HS6ST3: variants seen among roughly 807,000 people sequenced by gnomAD.
HS6ST3 encodes heparan sulfate 6-O-sulfotransferase 3.
HS6ST3 carries 12 observed loss-of-function variants against 36.7 expected under a neutral mutation model. That is an observed-to-expected ratio of 0.33 (90% CI 0.21 to 0.53). HS6ST3 has a LOEUF of 0.53. Among genes scored for constraint, HS6ST3 ranks in the 20% least tolerant of loss-of-function variants. The pLI is 0.95. For synonymous variants in HS6ST3, 240 were observed against 257.5 expected (o/e 0.93, Z 0.65); for missense variants, 584 against 640.9 (o/e 0.91, Z 0.96).
At chr13:96,244,649 A>G (rs943281010) in intron 1 of HS6ST3, among the ~76,000 whole-genome samples, 3 of 152,330 alleles carry the variant, frequency 2.0e-5, no homozygotes, top group African/African-American at 7.2e-5. Flanking sequence ...TTCTTCACCT[A>G]GTTCTAGGTA....
chr13:96,182,018 A>C (rs16951635), intron 1 of HS6ST3, among the ~76,000 whole-genome samples: 3,882 of 152,262 alleles, frequency 0.025, 62 homozygotes, highest in South Asian at 0.055. Context: ...AAGTTAGAAG[A>C]AGAAATTTGT....
chr13:96,541,684 G>A (rs1594803124), intron 1 of HS6ST3, among the ~76,000 whole-genome samples: 1 of 152,152 alleles, frequency 6.6e-6, no homozygotes, highest in East Asian at 1.9e-4. Flanking sequence ...ATGATATAAT[G>A]TCTGCCTAGG....
chr13:96,474,260 G>A (rs1433918434), intron 1 of HS6ST3, among the ~76,000 whole-genome samples: 1 of 152,154 alleles, frequency 6.6e-6, no homozygotes, highest in Admixed American at 6.5e-5. Flanking sequence ...TGAGTTGTTA[G>A]TGATGGCAAC....
chr13:96,207,035 GAGA>G lies in HS6ST3; in HGVS notation c.707+115470_707+115472del, dbSNP rs574363784. Among the ~76,000 whole-genome samples, 479 of 152,236 alleles carry G rather than the reference GAGA, an allele frequency of 3.1e-3. 3 individuals are homozygous for G. Among genetic ancestry groups the G allele is most frequent in the African/African-American group, 0.011 (470 of 41,546 alleles). ...GAGTGAACAGACAGCCTAAAGAATGGAGAAGATTTTTGCAATCTATCCATCTGA... is the reference window on the plus strand; with the variant it reads ...GAGTGAACAGACAGCCTAAAGAATGGAGATTTTTGCAATCTATCCATCTGA... On this transcript the variant is annotated intron_variant, in intron 1 of 1. Transcript: ENST00000376705.
At chr13:96,095,951 A>G (rs1402584670) in intron 1 of HS6ST3, among the ~76,000 whole-genome samples, 1 of 151,188 alleles carries the variant, frequency 6.6e-6, no homozygotes, top group Non-Finnish European at 1.5e-5. Context: ...TGGATGGACC[A>G]CTGGATTCTG....
At chr13:96,741,071 T>C (rs1456471252) in intron 1 of HS6ST3, among the ~76,000 whole-genome samples, 1 of 152,220 alleles carries the variant, frequency 6.6e-6, no homozygotes, top group Non-Finnish European at 1.5e-5. Flanking sequence ...TCTTTATTAT[T>C]TCTAAAAGTA....
chr13:96,330,471 G>A (rs1225247404), intron 1 of HS6ST3, among the ~76,000 whole-genome samples: 5 of 148,486 alleles, frequency 3.4e-5, no homozygotes, highest in Non-Finnish European at 7.5e-5. Context: ...TGAAATTCTG[G>A]GTTGAAAATT....
rs374980204 is a variant in HS6ST3, at chr13:96,090,827, C to T, written c.-36C>T. The stretch of plus-strand genomic sequence containing the variant: ...CGCCCGTCCGCCCTGCCGCCGCCGC[C>T]GCCGCCGCTTCGCCTGCCGGCCTGA... On this transcript the variant is annotated 5_prime_UTR_variant, in exon 1 of 2. Transcript: ENST00000376705. 4 of 1,462,332 alleles carry T rather than the reference C, an allele frequency of 2.7e-6. No homozygotes were observed. Among genetic ancestry groups the T allele is most frequent in the African/African-American group, 3.0e-5 (2 of 67,310 alleles). The allele number at this position is 1,462,332 out of a possible 1,614,324, so 90.6% of individuals were successfully genotyped here. A position where few individuals can be genotyped will look rare whatever the true frequency, so the allele number is the denominator to read the frequency against.
chr13:96,211,160 G>A (rs1286568751), intron 1 of HS6ST3, among the ~76,000 whole-genome samples: 1 of 152,190 alleles, frequency 6.6e-6, no homozygotes, highest in Non-Finnish European at 1.5e-5. Flanking sequence ...TCGAACTCCT[G>A]ACCTCAGGTG....
intron 1 of HS6ST3, among the ~76,000 whole-genome samples, chr13:96,479,643 T>C (rs1041934408): frequency 6.6e-6 from 1 of 152,144 alleles, no homozygotes; most frequent in Non-Finnish European, 1.5e-5. Context: ...GAGGTGGAAT[T>C]AAGAGAAATT....
chr13:96,824,009 A>T lies in HS6ST3; in HGVS notation c.708-8481A>T, dbSNP rs527548882. Among the ~76,000 whole-genome samples, 906 of 152,352 alleles carry T rather than the reference A, an allele frequency of 5.9e-3. 6 individuals are homozygous for T. Among genetic ancestry groups the T allele is most frequent in the Non-Finnish European group, 8.0e-3 (544 of 68,024 alleles). ...CCAAGTGGGGGAAATAATAATTTTT[A>T]AAAAAGCAAGAACAACTAAATCTAA... On this transcript the variant is annotated intron_variant, in intron 1 of 1. Coordinates refer to ENST00000376705, the MANE Select transcript of HS6ST3 (RefSeq NM_153456.4).
intron 1 of HS6ST3, among the ~76,000 whole-genome samples, chr13:96,220,482 T>A (rs951414078): frequency 6.6e-6 from 1 of 152,192 alleles, no homozygotes; most frequent in Non-Finnish European, 1.5e-5. Flanking sequence ...GCCACCTAAA[T>A]AATAGCTCTA....
chr13:96,408,765 A>C (rs2055491700), intron 1 of HS6ST3, among the ~76,000 whole-genome samples: 1 of 152,090 alleles, frequency 6.6e-6, no homozygotes, highest in Non-Finnish European at 1.5e-5. Flanking sequence ...CTTACTAAAA[A>C]TACAAAAATT....
At chr13:96,101,063 C>A (rs1485909432) in intron 1 of HS6ST3, among the ~76,000 whole-genome samples, 1 of 152,146 alleles carries the variant, frequency 6.6e-6, no homozygotes, top group Non-Finnish European at 1.5e-5. Context: ...TAATAAAAAT[C>A]ATGCTAATTT....
intron 1 of HS6ST3, among the ~76,000 whole-genome samples, chr13:96,496,291 GA>G (rs2055975276): frequency 6.6e-6 from 1 of 152,164 alleles, no homozygotes; most frequent in Non-Finnish European, 1.5e-5. Flanking sequence ...GAAGTTCCTA[GA>G]AAATATTCTG....
chr13:96,306,104 T>C (rs1239304080), intron 1 of HS6ST3, among the ~76,000 whole-genome samples: 3 of 117,208 alleles, frequency 2.6e-5, no homozygotes, highest in African/African-American at 3.8e-5. Flanking sequence ...GCTTTTCTTT[T>C]TCTTTTTTTT....
chr13:96,732,847 G>C (rs1407716548), intron 1 of HS6ST3, among the ~76,000 whole-genome samples: 1 of 152,058 alleles, frequency 6.6e-6, no homozygotes. Context: ...TTTCAATGTA[G>C]AGATCTTTCA....
At chr13:96,254,504 T>G (rs1296542211) in intron 1 of HS6ST3, among the ~76,000 whole-genome samples, 2 of 21,376 alleles carry the variant, frequency 9.4e-5, no homozygotes, top group Non-Finnish European at 2.0e-4. Flanking sequence ...TATATACACA[T>G]ACATACACAC....
At chr13:96,368,590 A>G (rs1159079498) in intron 1 of HS6ST3, among the ~76,000 whole-genome samples, 1 of 151,996 alleles carries the variant, frequency 6.6e-6, no homozygotes, top group Non-Finnish European at 1.5e-5. Context: ...TCTTCATTTT[A>G]ACAGAAACAT....
Sources: allele counts gnomAD v4.1 joint callset (sites outside exome capture counted in the v4.1 genomes callset), GRCh38; gene constraint gnomAD v4.1.1; transcripts MANE v1.5; gene names NCBI Gene and HGNC (gene_info 2026-07-23, HGNC 2026-07-21).